OCIAD1: variants seen among roughly 807,000 people sequenced by gnomAD.
OCIAD1 encodes the protein OCIA domain containing 1, also known as OCIA domain-containing protein 1.
OCIAD1 carries 29 observed loss-of-function variants against 38.9 expected under a neutral mutation model. The observed-to-expected ratio is 0.74, with a 90% CI of 0.55 to 1.02. The LOEUF is 1.02. OCIAD1 is among the 50% of genes least tolerant of loss of function. The pLI is 0.00. For synonymous variants in OCIAD1, 110 were observed against 92.0 expected, an observed-to-expected ratio of 1.20 and a Z score of -1.12; for missense variants, 288 against 289.6, an observed-to-expected ratio of 0.99 and a Z score of 0.04.
intron 1 of OCIAD1, among the ~76,000 whole-genome samples, chr4:48,816,383 A>T (rs1777143030): frequency 6.6e-6 from 1 of 152,196 alleles, no homozygotes; most frequent in Admixed American, 6.5e-5. Flanking sequence ...TGGCCAAAAA[A>T]TTAGCTGGGC....
In OCIAD1 at chr4:48,851,853, C is replaced by T; in HGVS notation, c.425C>T (p.Ser142Leu). 6.2e-7 allele frequency: 1 copy of T among 1,613,328 alleles called. No homozygotes were observed. The highest frequency in any genetic ancestry group is 8.5e-7 in the Non-Finnish European group (1 of 1,179,518). The change falls in exon 7 of 9, where the codon TCA (serine) becomes TTA (leucine). Residue 142 changes from serine (S) to leucine (L), a missense_variant. Transcript: ENST00000264312. ...SKYDSSVSGQ[S>L]SFVTSPAADN... is the part of the protein sequence containing the mutation. ...TATGACTCAAGTGTGAGTGGTCAAT[C>T]ATCTTTTGTGACATCCCCAGCAGCA...
At chr4:48,810,266 G>A (rs1459449763) in intron 1 of OCIAD1, among the ~76,000 whole-genome samples, 1 of 151,614 alleles carries the variant, frequency 6.6e-6, no homozygotes, top group African/African-American at 2.4e-5. Context: ...TCAGGAGATC[G>A]AAACCATCCT....
intron 8 of OCIAD1, 122 bp downstream of exon 8, chr4:48,857,487 T>TA (rs1302572279): frequency 5.7e-6 from 3 of 530,936 alleles, no homozygotes; most frequent in Non-Finnish European, 9.1e-6. Context: ...TTAACCAAAG[T>TA]AAAATATTTT....
chr4:48,821,238 G>T (rs1204504986), intron 1 of OCIAD1, among the ~76,000 whole-genome samples: 3 of 152,142 alleles, frequency 2.0e-5, no homozygotes, highest in African/African-American at 7.2e-5. Flanking sequence ...ATGCAAGGCT[G>T]GTTCAACATA....
intron 4 of OCIAD1, among the ~76,000 whole-genome samples, chr4:48,845,822 C>A (rs1450288288): frequency 6.6e-6 from 1 of 152,204 alleles, no homozygotes; most frequent in African/African-American, 2.4e-5. Flanking sequence ...TCTTTTAGCT[C>A]TTAAATGTCT....
chr4:48,857,453 T>G, intron 8 of OCIAD1, 88 bp downstream of exon 8: 1 of 720,462 alleles, frequency 1.4e-6, no homozygotes, highest in Non-Finnish European at 2.1e-6. Flanking sequence ...AATTAATTAA[T>G]ATGTGATTTA....
chr4:48,850,111 A>C (rs1436731067), intron 6 of OCIAD1, 29 bp downstream of exon 6: 1 of 1,601,204 alleles, frequency 6.2e-7, no homozygotes, highest in East Asian at 2.2e-5. Context: ...TTTACTTAAG[A>C]TTTTTAATTT....
intron 1 of OCIAD1, among the ~76,000 whole-genome samples, chr4:48,807,624 A>G (rs1433184141): frequency 1.4e-4 from 21 of 151,964 alleles, no homozygotes; most frequent in Admixed American, 1.4e-3. Flanking sequence ...ATGTTTCTTG[A>G]TCTCTTCTTT....
intron 1 of OCIAD1, among the ~76,000 whole-genome samples, chr4:48,812,158 C>T (rs751058783): frequency 6.6e-5 from 10 of 151,440 alleles, no homozygotes; most frequent in Non-Finnish European, 1.3e-4. Context: ...TGATGCATGC[C>T]TGTATTCCCA....
chr4:48,823,672 AT>A (rs953782296), intron 1 of OCIAD1, among the ~76,000 whole-genome samples: 2 of 149,784 alleles, frequency 1.3e-5, no homozygotes, highest in Non-Finnish European at 1.5e-5. Flanking sequence ...TTTATTTTTA[AT>A]TTTTTTTTAG....
Position 48,848,388 on chromosome 4 carries a change from C to G in OCIAD1, c.194-11C>G, listed in dbSNP as rs748285438. 1.4e-6 allele frequency: 2 copies of G among 1,390,706 alleles called. No individual in the cohort carries two copies. The highest frequency in any genetic ancestry group is 2.0e-6 in the Non-Finnish European group (2 of 985,460). The allele number at this position is 1,390,706 out of a possible 1,614,324, so 86.1% of individuals were successfully genotyped here. A position where few individuals can be genotyped will look rare whatever the true frequency, so the allele number is the denominator to read the frequency against. The stretch of plus-strand genomic sequence containing the variant: ...CAGTGTTACTCAGAAATACTTAACT[C>G]TTTTCTTTAGGAATACTTTCAAGTC... On this transcript the variant is annotated splice_polypyrimidine_tract_variant and intron_variant, in intron 4 of 8. Transcript: ENST00000264312.
chr4:48,847,484 A>G (rs1046156232), intron 4 of OCIAD1, among the ~76,000 whole-genome samples: 1 of 152,100 alleles, frequency 6.6e-6, no homozygotes, highest in African/African-American at 2.4e-5. Context: ...ATCTTCGTCT[A>G]CTCTAAGGAC....
chr4:48,832,804 T>C (rs1777633745), intron 2 of OCIAD1, 122 bp downstream of exon 2: 4 of 727,034 alleles, frequency 5.5e-6, no homozygotes, highest in Admixed American at 4.1e-5. Context: ...GCCCCATACT[T>C]GGTTTCATGT....
Position 48,850,031 on chromosome 4 carries a change from C to G in OCIAD1, c.326C>G (p.Pro109Arg). The change falls in exon 6 of 9, where the codon CCC becomes CGC. Residue 109 changes from proline to arginine, a missense_variant. Transcript: ENST00000264312. ...AAATTCAAGAAACTTGAAAATTCCC[C>G]CCTTGGAGAAGCTTTACGATCAGGA... ...QEKFKKLENS[P>R]LGEALRSGQA... 1 of 1,613,338 alleles carries G rather than the reference C, an allele frequency of 6.2e-7. No individual in the cohort carries two copies. The highest frequency in any genetic ancestry group is 8.5e-7 in the Non-Finnish European group (1 of 1,179,780).
intron 3 of OCIAD1, among the ~76,000 whole-genome samples, chr4:48,840,835 A>C (rs1238212518): frequency 6.8e-6 from 1 of 146,572 alleles, no homozygotes; most frequent in Non-Finnish European, 1.5e-5. Flanking sequence ...CATCTCTACA[A>C]AAAAAAAAAA....
Position 48,851,882 on chromosome 4 carries a change from A to G in OCIAD1, c.454A>G (p.Asn152Asp). ...SSFVTSPAAD[N>D]IEMLPHYEPI... ...TTTTGTGACATCCCCAGCAGCAGAC[A>G]ACATAGAAATGCTTCCTCATTATGA... The change falls in exon 7 of 9, where the codon AAC (asparagine) becomes GAC (aspartate). Residue 152 changes from asparagine (N) to aspartate (D), a missense_variant. By Grantham distance (23) the Asn-to-Asp change is conservative. Transcript: ENST00000264312. 1.2e-6 allele frequency: 2 copies of G among 1,613,644 alleles called. No homozygotes were observed.
chr4:48,826,831 C>A (rs1361561836), upstream of OCIAD1, among the ~76,000 whole-genome samples: 1 of 152,174 alleles, frequency 6.6e-6, no homozygotes, highest in Non-Finnish European at 1.5e-5. Context: ...GTAATGTACA[C>A]TTTTCCTCAC....
Position 48,832,650 on chromosome 4 carries a change from A to G in OCIAD1, c.26A>G (p.Glu9Gly), listed in dbSNP as rs199900342. 6.0e-5 allele frequency: 97 copies of G among 1,613,296 alleles called. No individual in the cohort carries two copies. The highest frequency in any genetic ancestry group is 7.9e-5 in the Non-Finnish European group (93 of 1,179,340). MNGRADFR[E>G]PNAEVPRPIP... Reference sequence around the variant, plus strand: ...ATGAATGGGAGGGCTGATTTTCGAGAGCCGAATGCAGAGGTTCCAAGACCA... The same window carrying G: ...ATGAATGGGAGGGCTGATTTTCGAGGGCCGAATGCAGAGGTTCCAAGACCA... The change falls in exon 2 of 9, where the codon GAG (glutamate) becomes GGG (glycine). Residue 9 changes from glutamate (E) to glycine (G), a missense_variant. Coordinates refer to ENST00000264312, the MANE Select transcript of OCIAD1 (RefSeq NM_017830.4).
chr4:48,830,952 C>T (rs1397251071), upstream of OCIAD1: 1 of 156,768 alleles, frequency 6.4e-6, no homozygotes, highest in East Asian at 1.9e-4. Context: ...CGGCTCGTGG[C>T]CGCAGCTGCC....
Sources: allele counts gnomAD v4.1 joint callset (sites outside exome capture counted in the v4.1 genomes callset), GRCh38; gene constraint gnomAD v4.1.1; transcripts MANE v1.5; gene names NCBI Gene and HGNC (gene_info 2026-07-23, HGNC 2026-07-21).